The following WNT9B variants were observed in gnomAD, a reference collection of about 807,000 sequenced individuals.
The protein encoded by WNT9B is protein Wnt-9b.
In WNT9B, 12 loss-of-function variants were observed where a neutral mutation model predicts 30.2. That is an observed-to-expected ratio of 0.40 (90% CI 0.26 to 0.64). WNT9B has a LOEUF of 0.64. Among genes scored for constraint, WNT9B ranks in the 30% least tolerant of loss-of-function variants. The pLI is 0.42. For synonymous variants in WNT9B, 218 were observed against 216.9 expected (o/e 1.01, Z -0.05); for missense variants, 442 against 485.2 (o/e 0.91, Z 0.84).
At chr17:46,870,094 A>C (rs987072320) in intron 1 of WNT9B, among the ~76,000 whole-genome samples, 1 of 152,224 alleles carries the variant, frequency 6.6e-6, no homozygotes, top group Non-Finnish European at 1.5e-5. Flanking sequence ...ATGGCATTTG[A>C]GGCAGGTCTT....
rs1530365 is a variant in WNT9B at position 46,879,346 on chromosome 17, G to C, written c.*2628G>C. On this transcript the variant is annotated 3_prime_UTR_variant, in exon 4 of 4. Coordinates refer to ENST00000290015, the MANE Select transcript of WNT9B (RefSeq NM_003396.3). ...TCTCGGAGCTGGTAAGCACATGTCCGCTCTGTGATGAGCCCTGGTGGGCTC... is the reference window on the plus strand; with the variant it reads ...TCTCGGAGCTGGTAAGCACATGTCCCCTCTGTGATGAGCCCTGGTGGGCTC... Among the ~76,000 whole-genome samples, 65,727 of 151,894 alleles carry C rather than the reference G, an allele frequency of 0.43. 15,757 individuals are homozygous for C. Among genetic ancestry groups the C allele is most frequent in the African/African-American group, 0.65 (27,011 of 41,398 alleles).
chr17:46,835,039 G>C (rs759534685), intron 1 of WNT9B, among the ~76,000 whole-genome samples: 16 of 152,088 alleles, frequency 1.1e-4, no homozygotes, highest in Non-Finnish European at 2.4e-4. Flanking sequence ...CTGTTGTCCA[G>C]GCTGCAGCGC....
intron 1 of WNT9B, among the ~76,000 whole-genome samples, chr17:46,840,332 C>T (rs531747406): frequency 1.6e-4 from 24 of 152,256 alleles, no homozygotes; most frequent in East Asian, 5.8e-4. Flanking sequence ...ATGATCCACC[C>T]GCCTCGGCCT....
intron 1 of WNT9B, among the ~76,000 whole-genome samples, chr17:46,871,038 G>A (rs1234129115): frequency 6.7e-6 from 1 of 149,812 alleles, no homozygotes. Context: ...AGCCTCCCAA[G>A]TAGCTGGGAC....
chr17:46,879,013 G>C lies in WNT9B; in HGVS notation c.*2295G>C, dbSNP rs144575390. Among the ~76,000 whole-genome samples, 5 of 152,280 alleles carry C rather than the reference G, an allele frequency of 3.3e-5. No homozygotes were observed. Among genetic ancestry groups the C allele is most frequent in the African/African-American group, 1.2e-4 (5 of 41,564 alleles). ...CACCTCGGCCCTCTTGGGGCCCCTG[G>C]GGACTAGAGTGACCACTGACCCCTC... On this transcript the variant is annotated 3_prime_UTR_variant, in exon 4 of 4. Coordinates refer to ENST00000290015, the MANE Select transcript of WNT9B (RefSeq NM_003396.3).
rs184108807 is a variant in WNT9B, at chr17:46,840,365, C to T, written c.95+6925C>T. 1.2e-4 allele frequency among the ~76,000 whole-genome samples: 19 copies of T among 152,312 alleles called. No individual in the cohort carries two copies. The East Asian group carries it at 1.4e-3, about 11-fold the overall frequency. On this transcript the variant is annotated intron_variant, in intron 1 of 2. Transcript: ENST00000575372. ...CCTCCCAAAGTGCTGGGATTACAGG[C>T]GCGAGCCACGGTGCCCAGCCCATTT...
chr17:46,876,720 C>T lies in WNT9B; in HGVS notation c.*2C>T. On this transcript the variant is annotated 3_prime_UTR_variant, in exon 4 of 4. Transcript: ENST00000290015. The stretch of plus-strand genomic sequence containing the variant: ...CTTGTGTACACCTGCAAGCACTAGG[C>T]CTACTGCCCAGCAAGCCAGTCTGGC... The T allele has an allele frequency of 6.5e-7, 1 of 1,533,946 alleles. No homozygotes were observed. The highest frequency in any genetic ancestry group is 2.3e-5 in the East Asian group (1 of 43,874).
chr17:46,867,549 T>C (rs1318373777), intron 1 of WNT9B, among the ~76,000 whole-genome samples: 1 of 152,102 alleles, frequency 6.6e-6, no homozygotes, highest in Non-Finnish European at 1.5e-5. Flanking sequence ...AGGCAGGGGG[T>C]GGGTGATTAC....
chr17:46,862,163 CAAA>C (rs111407961), intron 1 of WNT9B, among the ~76,000 whole-genome samples: 2,588 of 80,344 alleles, frequency 0.032, 67 homozygotes, highest in African/African-American at 0.085. Flanking sequence ...AACTCCGTCT[CAAA>C]AAAAAAAAAA....
In WNT9B at chr17:46,839,992, T is replaced by TC. The variant is rs1189061820; in HGVS notation, c.95+6552_95+6553insC. Among the ~76,000 whole-genome samples, 637 of 117,318 alleles carry TC rather than the reference T, an allele frequency of 5.4e-3. 1 individual carries two copies. Among genetic ancestry groups the TC allele is most frequent in the East Asian group, 0.016 (52 of 3,324 alleles). 77.0% of individuals were successfully genotyped at this position (117,318 alleles called of 152,430 possible). On this transcript the variant is annotated intron_variant, in intron 1 of 2. Transcript: ENST00000575372. Reference sequence around the variant, plus strand: ...TCTTTCTTTCTCTTCTTTCTTTCTTTTTTCTTTCTTCTTTCTTTCTTTCTT... The same window carrying TC: ...TCTTTCTTTCTCTTCTTTCTTTCTTTCTTTCTTTCTTCTTTCTTTCTTTCTT...
chr17:46,834,087 CGGG>C (rs2084592325), intron 1 of WNT9B, among the ~76,000 whole-genome samples: 1 of 152,094 alleles, frequency 6.6e-6, no homozygotes, highest in Non-Finnish European at 1.5e-5. Context: ...CTCAGCTACT[CGGG>C]AGGCTGAGGG....
At chr17:46,859,955 T>C (rs2085007229) in intron 1 of WNT9B, among the ~76,000 whole-genome samples, 1 of 152,222 alleles carries the variant, frequency 6.6e-6, no homozygotes, top group Non-Finnish European at 1.5e-5. Context: ...GATAGTATTG[T>C]TTTTATTTTT....
upstream of WNT9B, among the ~76,000 whole-genome samples, chr17:46,851,060 C>A (rs78580736): frequency 0.014 from 2,057 of 152,354 alleles, 55 homozygotes; most frequent in African/African-American, 0.047. The surrounding 1 kb of genome is among the most constrained non-coding windows in gnomAD (Gnocchi z 4.3). Context: ...GCATTTCCCC[C>A]GCTTCCAGAG....
chr17:46,842,028 G>A (rs1311069946), intron 1 of WNT9B, among the ~76,000 whole-genome samples: 1 of 152,174 alleles, frequency 6.6e-6, no homozygotes, highest in Non-Finnish European at 1.5e-5. Flanking sequence ...TGGCGCCCTC[G>A]GCGGGGCCTG....
chr17:46,869,586 T>C (rs189182374), intron 1 of WNT9B, among the ~76,000 whole-genome samples: 43 of 152,314 alleles, frequency 2.8e-4, no homozygotes, highest in Middle Eastern at 3.4e-3. Flanking sequence ...GGCTCCCAAG[T>C]GCAGCCTAGG....
Position 46,877,001 on chromosome 17 carries a change from A to T in WNT9B, c.*283A>T. The T allele has an allele frequency of 4.0e-6, 5 of 1,250,334 alleles. No individual in the cohort carries two copies. Among genetic ancestry groups the T allele is most frequent in the Non-Finnish European group, 5.0e-6 (5 of 997,914 alleles). The allele number at this position is 1,250,334 out of a possible 1,614,324, so 77.5% of individuals were successfully genotyped here. ...AGTGAGAAAGACATGGAGGGAAATAAGGGAGACCAAGAGCACAGCAGGACT... is the reference window on the plus strand; with the variant it reads ...AGTGAGAAAGACATGGAGGGAAATATGGGAGACCAAGAGCACAGCAGGACT... On this transcript the variant is annotated 3_prime_UTR_variant, in exon 4 of 4. Transcript: ENST00000290015.
chr17:46,870,257 G>A (rs1048788516), intron 1 of WNT9B, among the ~76,000 whole-genome samples: 1 of 152,132 alleles, frequency 6.6e-6, no homozygotes, highest in Non-Finnish European at 1.5e-5. Flanking sequence ...GTGTGAGAAG[G>A]AGGACATTTG....
intron 1 of WNT9B, among the ~76,000 whole-genome samples, chr17:46,855,109 G>C (rs971530487): frequency 6.6e-6 from 1 of 152,162 alleles, no homozygotes; most frequent in Admixed American, 6.5e-5. Context: ...GAATCGGTGG[G>C]GGAGGTTGAA....
intron 1 of WNT9B, among the ~76,000 whole-genome samples, chr17:46,839,614 T>C (rs1425749985): frequency 6.6e-6 from 1 of 152,246 alleles, no homozygotes; most frequent in East Asian, 1.9e-4. Context: ...ACATGTGCCA[T>C]GTTGATGTGC....
Sources: gnomAD v4.1 joint callset for allele counts (sites outside exome capture counted in the v4.1 genomes callset) on GRCh38, gnomAD v4.1.1 for gene constraint, Gnocchi (gnomAD v3.1) non-coding constraint, MANE v1.5 for transcripts, NCBI Gene and HGNC (gene_info 2026-07-23, HGNC 2026-07-21) for gene names.